The following TIAM2 variants were observed in gnomAD, a reference collection of about 807,000 sequenced individuals.
The protein encoded by TIAM2 is rho guanine nucleotide exchange factor TIAM2.
TIAM2 carries 80 observed loss-of-function variants against 152.9 expected under a neutral mutation model. The observed-to-expected ratio is 0.52, with a 90% CI of 0.44 to 0.63. TIAM2 has a LOEUF of 0.63. Ranked by LOEUF, TIAM2 falls within the 30% of genes least tolerant of loss-of-function variation. The pLI is 0.00. For synonymous variants in TIAM2, 804 were observed against 838.0 expected, an observed-to-expected ratio of 0.96 and a Z score of 0.70; for missense variants, 1,965 against 2,120.1, an observed-to-expected ratio of 0.93 and a Z score of 1.44.
Position 155,164,133 on chromosome 6 carries a change from G to GTTT in TIAM2, c.2029-272_2029-270dup, listed in dbSNP as rs375238178. Among the ~76,000 whole-genome samples the GTTT allele has an allele frequency of 1.7e-4, 20 of 118,046 alleles. 2 individuals carry two copies. Among genetic ancestry groups the GTTT allele is most frequent in the South Asian group, 3.2e-4 (1 of 3,158 alleles). 77.4% of individuals were successfully genotyped at this position (118,046 alleles called of 152,430 possible). A position where few individuals can be genotyped will look rare whatever the true frequency, so the allele number is the denominator to read the frequency against. On this transcript the variant is annotated intron_variant, in intron 7 of 26. Transcript: ENST00000682666. Reference sequence around the variant, plus strand: ...TGGCACCACACCAGCTAATTTTTGTGTTTTTTTTTTTTCTTTTTTTTAGTA... The same window carrying GTTT: ...TGGCACCACACCAGCTAATTTTTGTGTTTTTTTTTTTTTTTCTTTTTTTTAGTA...
At chr6:155,201,326 G>C (rs1433196925) in intron 14 of TIAM2, among the ~76,000 whole-genome samples, 1 of 152,194 alleles carries the variant, frequency 6.6e-6, no homozygotes, top group Non-Finnish European at 1.5e-5. Context: ...CTCCAGCTAA[G>C]TAGTTCCTAA....
intron 1 of TIAM2, among the ~76,000 whole-genome samples, chr6:155,017,188 A>T (rs551215387): frequency 9.2e-4 from 140 of 152,264 alleles, no homozygotes; most frequent in African/African-American, 3.2e-3. Context: ...AGGAGCAGGG[A>T]TGGAATGATG....
In TIAM2 at chr6:155,240,606, A is replaced by G. The variant is rs2115309217; in HGVS notation, c.3245A>G (p.Asn1082Ser). 6.2e-7 allele frequency: 1 copy of G among 1,614,180 alleles called. No individual in the cohort carries two copies. Among genetic ancestry groups the G allele is most frequent in the South Asian group, 1.1e-5 (1 of 91,088 alleles). Residue 1082 changes from asparagine (N) to serine (S), a missense_variant, in exon 16 of 27, where the codon AAT (asparagine) becomes AGT (serine). Transcript: ENST00000682666. Reference protein sequence around the residue: ...QANGMEGPRENQDPPPRSLAR... With the variant: ...QANGMEGPRESQDPPPRSLAR... ...AACGGCATGGAAGGACCGCGGGAGA[A>G]TCAGGATCCTCCTCCGAGGTCTCTG...
chr6:155,065,154 G>A (rs34771225), intron 1 of TIAM2, among the ~76,000 whole-genome samples: 61,187 of 151,602 alleles, frequency 0.4, 12,565 homozygotes, highest in Middle Eastern at 0.49. Flanking sequence ...GGGTTTCACC[G>A]TGTTGGCCAG....
At chr6:155,212,699 C>T (rs1341662561) in intron 15 of TIAM2, among the ~76,000 whole-genome samples, 2 of 146,776 alleles carry the variant, frequency 1.4e-5, no homozygotes, top group Non-Finnish European at 1.5e-5. Flanking sequence ...CCCACTCGGC[C>T]CACTCGACCT....
intron 1 of TIAM2, among the ~76,000 whole-genome samples, chr6:155,036,445 A>G (rs1440719737): frequency 6.6e-6 from 1 of 150,928 alleles, no homozygotes; most frequent in Admixed American, 6.6e-5. Context: ...GAGGCAGGAG[A>G]ATCACTTGAA....
At chr6:155,067,186 G>C (rs1018460585) in intron 1 of TIAM2, among the ~76,000 whole-genome samples, 2 of 152,090 alleles carry the variant, frequency 1.3e-5, no homozygotes, top group African/African-American at 4.8e-5. Flanking sequence ...GTCTGGCTGT[G>C]GGGGAGCTCA....
chr6:155,125,501 AATGGTGCAGCTGTTGCGGAAAACAGT>A lies in TIAM2; in HGVS notation c.-117-1984_-117-1959del, dbSNP rs556541184. On this transcript the variant is annotated intron_variant, in intron 2 of 26. Coordinates refer to ENST00000682666, the MANE Select transcript of TIAM2 (RefSeq NM_012454.4). Reference sequence around the variant, plus strand: ...TGCTGCACTGTTGGTGAGCATGTAAAATGGTGCAGCTGTTGCGGAAAACAGTATGGCGGTTCTGTAAAGAATTAAAA... The same window carrying A: ...TGCTGCACTGTTGGTGAGCATGTAAAATGGCGGTTCTGTAAAGAATTAAAA... Among the ~76,000 whole-genome samples the A allele has an allele frequency of 4.6e-5, 7 of 152,298 alleles. No individual in the cohort carries two copies. The East Asian group carries it at 1.4e-3, about 29-fold the overall frequency.
chr6:155,098,514 G>A (rs1778470458), intron 2 of TIAM2, among the ~76,000 whole-genome samples: 1 of 152,110 alleles, frequency 6.6e-6, no homozygotes, highest in Admixed American at 6.6e-5. Context: ...TACTGATTTT[G>A]TATGTTTATT....
intron 1 of TIAM2, among the ~76,000 whole-genome samples, chr6:155,035,500 C>G (rs9478610): frequency 6.6e-6 from 1 of 151,922 alleles, no homozygotes; most frequent in African/African-American, 2.4e-5. Flanking sequence ...GATTAACAGG[C>G]GTGAGACTAC....
Position 155,129,320 on chromosome 6 carries a change from C to A in TIAM2, c.97C>A (p.Arg33Ser), listed in dbSNP as rs201514936. ...GCAAATTCCTTGCTCCCTGAAAATA[C>A]GTGGCATTCATGCAAAAGAGGAAAA... The part of the protein sequence containing the change: ...AKQIPCSLKI[R>S]GIHAKEEKSL... The change falls in exon 4 of 27, where the codon CGT becomes AGT. Residue 33 changes from arginine to serine, a missense_variant. By Grantham distance (110) the Arg-to-Ser change is moderately radical. Around this residue, in one of 3 missense-constraint regions of TIAM2, gnomAD observed 1,025 missense variants for 1,119.4 expected, o/e 0.92. Coordinates refer to ENST00000682666, the MANE Select transcript of TIAM2 (RefSeq NM_012454.4). The surrounding 1 kb of genome is among the most constrained non-coding windows in gnomAD (Gnocchi z 4.8). 2 of 1,614,044 alleles carry A rather than the reference C, an allele frequency of 1.2e-6. No individual in the cohort carries two copies. The highest frequency in any genetic ancestry group is 1.7e-6 in the Non-Finnish European group (2 of 1,180,048).
chr6:155,171,555 A>T (rs376509945), intron 9 of TIAM2, among the ~76,000 whole-genome samples: 1 of 150,088 alleles, frequency 6.7e-6, no homozygotes, highest in Admixed American at 6.6e-5. Flanking sequence ...TGTAAACTGA[A>T]AAAAAAACCT....
At chr6:155,146,807 C>G (rs983872543) in intron 6 of TIAM2, among the ~76,000 whole-genome samples, 18 of 135,734 alleles carry the variant, frequency 1.3e-4, no homozygotes, top group African/African-American at 5.2e-4. Flanking sequence ...TTAGTAGAAA[C>G]TGTGTTTCAC....
chr6:155,239,468 A>G (rs934096533), intron 15 of TIAM2, among the ~76,000 whole-genome samples: 27 of 152,200 alleles, frequency 1.8e-4, no homozygotes, highest in Non-Finnish European at 1.0e-4. Context: ...GGTGGAATGG[A>G]AAGAATGAGA....
At position 155,185,123 on chromosome 6, in the gene TIAM2, CTTT is replaced by C. The variant is rs11404301; in HGVS notation, c.3064+1644_3064+1646del. On this transcript the variant is annotated intron_variant, in intron 14 of 26. Transcript: ENST00000682666. ...AAAGTAGAGAAAGGGGCAAATTTAC[CTTT>C]TTTTTTTTTTTTTTTTTTTTGAGAC... Among the ~76,000 whole-genome samples the C allele has an allele frequency of 9.7e-5, 9 of 92,400 alleles. No individual in the cohort carries two copies. The East Asian group carries it at 1.3e-3, about 13-fold the overall frequency. The allele number at this position is 92,400 out of a possible 152,430, so 60.6% of individuals were successfully genotyped here. A position where few individuals can be genotyped will look rare whatever the true frequency, so the allele number is the denominator to read the frequency against.
chr6:155,164,695 T>C, intron 8 of TIAM2, 95 bp downstream of exon 8: 1 of 1,451,046 alleles, frequency 6.9e-7, no homozygotes, highest in Non-Finnish European at 9.3e-7. Flanking sequence ...CTTGTGGGGC[T>C]TGACCCAACA....
intron 15 of TIAM2, among the ~76,000 whole-genome samples, chr6:155,224,791 A>C (rs549002207): frequency 2.0e-5 from 3 of 152,284 alleles, no homozygotes; most frequent in African/African-American, 4.8e-5. Context: ...GCAGAGGAGG[A>C]GGCTCTGAGA....
chr6:155,020,917 C>T (rs1273755264), intron 1 of TIAM2, among the ~76,000 whole-genome samples: 1 of 152,190 alleles, frequency 6.6e-6, no homozygotes, highest in African/African-American at 2.4e-5. Flanking sequence ...ACCCTGGCAA[C>T]CACCTTCCTG....
At chr6:155,011,159 G>C (rs2114848250) in intron 1 of TIAM2, among the ~76,000 whole-genome samples, 1 of 152,204 alleles carries the variant, frequency 6.6e-6, no homozygotes, top group African/African-American at 2.4e-5. Context: ...CCAAACCAAA[G>C]GGATTCTTAG....
Sources: allele counts gnomAD v4.1 joint callset (sites outside exome capture counted in the v4.1 genomes callset), GRCh38; gene constraint gnomAD v4.1.1; regional missense constraint gnomAD v4.1.1; non-coding constraint Gnocchi (gnomAD v3.1); transcripts MANE v1.5; gene names NCBI Gene and HGNC (gene_info 2026-07-23, HGNC 2026-07-21).